The following GRID2 variants were observed in gnomAD, a reference collection of about 807,000 sequenced individuals.
GRID2 encodes glutamate ionotropic receptor delta type subunit 2, also known as glutamate receptor ionotropic, delta-2.
GRID2 carries 33 observed loss-of-function variants against 114.8 expected under a neutral mutation model. The observed-to-expected ratio is 0.29, with a 90% confidence interval of 0.22 to 0.38. GRID2 has a LOEUF of 0.38. GRID2 is among the 10% of genes least tolerant of loss of function. The pLI, the probability that GRID2 is intolerant of heterozygous loss-of-function variation, is 1.00. For synonymous variants in GRID2, 505 were observed against 449.9 expected (o/e 1.12, Z -1.55); for missense variants, 1,184 against 1,257.7 (o/e 0.94, Z 0.89).
At chr4:93,249,680 G>A (rs1353981157) in intron 8 of GRID2, among the ~76,000 whole-genome samples, 3 of 151,894 alleles carry the variant, frequency 2.0e-5, no homozygotes, top group African/African-American at 4.8e-5. Flanking sequence ...CAAAAAGTGG[G>A]CAAAGGATAT....
At position 92,590,299 on chromosome 4, in the gene GRID2, G is replaced by A. The variant is rs1359147497; in HGVS notation, c.244+13G>A. ...GCAGTTCAAGAAGGTAAGGTCATCA[G>A]TATTTATTTTGGTTTTTTGGTTCAA... On this transcript the variant is annotated intron_variant, in intron 2 of 15. Coordinates refer to ENST00000282020, the MANE Select transcript of GRID2 (RefSeq NM_001510.4). 3 of 1,586,762 alleles carry A rather than the reference G, an allele frequency of 1.9e-6. No homozygotes were observed. The highest frequency in any genetic ancestry group is 1.7e-6 in the Non-Finnish European group (2 of 1,165,986).
chr4:92,928,324 T>A (rs564176577), intron 2 of GRID2, among the ~76,000 whole-genome samples: 13 of 151,766 alleles, frequency 8.6e-5, no homozygotes, highest in Admixed American at 2.0e-4. Flanking sequence ...TTCATATAAT[T>A]TTTATTTAGA....
At chr4:93,528,160 A>G (rs1324038458) in intron 13 of GRID2, among the ~76,000 whole-genome samples, 4 of 151,682 alleles carry the variant, frequency 2.6e-5, no homozygotes. Flanking sequence ...TGCTATATAT[A>G]TATGTATATA....
At chr4:93,602,824 C>G (rs1452910635) in intron 13 of GRID2, among the ~76,000 whole-genome samples, 3 of 152,188 alleles carry the variant, frequency 2.0e-5, no homozygotes, top group Non-Finnish European at 4.4e-5. Flanking sequence ...AAAGCTAGGC[C>G]TCTTCTGTCA....
intron 2 of GRID2, among the ~76,000 whole-genome samples, chr4:92,813,841 A>G (rs1740760887): frequency 1.3e-5 from 2 of 152,100 alleles, no homozygotes; most frequent in African/African-American, 4.8e-5. Flanking sequence ...TGTCTATATA[A>G]TATGTGCAAA....
At chr4:92,880,038 TG>T (rs1354934261) in intron 2 of GRID2, among the ~76,000 whole-genome samples, 1 of 152,212 alleles carries the variant, frequency 6.6e-6, no homozygotes, top group Non-Finnish European at 1.5e-5. Flanking sequence ...AGGAATTTTT[TG>T]TCCAGTTTTG....
At chr4:92,961,002 C>T (rs1203239817) in intron 2 of GRID2, among the ~76,000 whole-genome samples, 4 of 151,882 alleles carry the variant, frequency 2.6e-5, no homozygotes, top group Non-Finnish European at 4.4e-5. Flanking sequence ...TCAAGTAACA[C>T]TATGCTGCTT....
intron 10 of GRID2, among the ~76,000 whole-genome samples, chr4:93,435,090 T>C (rs1228966731): frequency 1.6e-5 from 2 of 127,732 alleles, no homozygotes; most frequent in Admixed American, 7.2e-5. Context: ...TTATAACACT[T>C]ACAATTATTT....
intron 1 of GRID2, among the ~76,000 whole-genome samples, chr4:92,372,407 A>C (rs2110220694): frequency 6.6e-6 from 1 of 152,290 alleles, no homozygotes; most frequent in East Asian, 1.9e-4. Context: ...AACCTTCAGC[A>C]ACGGGCACCC....
intron 12 of GRID2, among the ~76,000 whole-genome samples, chr4:93,491,828 A>G (rs1727036130): frequency 6.6e-6 from 1 of 151,956 alleles, no homozygotes; most frequent in South Asian, 2.1e-4. Flanking sequence ...AGAATTAATT[A>G]TCTATAAATA....
chr4:92,663,203 CAA>C (rs1265068676), intron 2 of GRID2, among the ~76,000 whole-genome samples: 1 of 150,820 alleles, frequency 6.6e-6, no homozygotes. Flanking sequence ...TATGAAATGA[CAA>C]GAGTAATTTC....
chr4:92,747,542 T>C (rs942662856), intron 2 of GRID2, among the ~76,000 whole-genome samples: 1 of 152,138 alleles, frequency 6.6e-6, no homozygotes, highest in African/African-American at 2.4e-5. Context: ...GGGGAAATGA[T>C]ATCCTGCTAC....
chr4:92,614,524 C>T (rs1729908010), intron 2 of GRID2, among the ~76,000 whole-genome samples: 1 of 151,558 alleles, frequency 6.6e-6, no homozygotes, highest in Non-Finnish European at 1.5e-5. Context: ...GTGGACTTCT[C>T]AAATTTCTGT....
At chr4:93,607,997 C>A (rs1008764156) in intron 13 of GRID2, among the ~76,000 whole-genome samples, 1 of 150,846 alleles carries the variant, frequency 6.6e-6, no homozygotes, top group Non-Finnish European at 1.5e-5. Flanking sequence ...TTTTCTCATA[C>A]AAAGCTACTT....
chr4:92,509,821 C>T (rs1724153123), intron 1 of GRID2, among the ~76,000 whole-genome samples: 1 of 151,824 alleles, frequency 6.6e-6, no homozygotes, highest in Admixed American at 6.6e-5. Context: ...ATTGTAGGAA[C>T]ACCAAAAGCC....
At chr4:92,663,451 A>G (rs552078513) in intron 2 of GRID2, among the ~76,000 whole-genome samples, 2 of 151,274 alleles carry the variant, frequency 1.3e-5, no homozygotes, top group East Asian at 1.9e-4. Context: ...TTTTAGGGTC[A>G]TTCTTTCTGT....
In GRID2 at chr4:93,085,123, G is replaced by A. The variant is rs267600298; in HGVS notation, c.373G>A (p.Gly125Arg). The change falls in exon 3 of 16, where the codon GGG becomes AGG. Residue 125 changes from glycine (G) to arginine (R), a missense_variant. Gly to Arg is a moderately radical substitution (Grantham distance 125). Coordinates refer to ENST00000282020, the MANE Select transcript of GRID2 (RefSeq NM_001510.4). Reference protein sequence around the residue: ...PHLFIQRSTAGTPRSGCGLTR... With the variant: ...PHLFIQRSTARTPRSGCGLTR... ...CCTCTTCATTCAGCGCTCAACAGCT[G>A]GGACCCCAAGGAGTGGCTGTGGACT... 1 of 1,614,104 alleles carries A rather than the reference G, an allele frequency of 6.2e-7. No homozygotes were observed. The highest frequency in any genetic ancestry group is 2.2e-5 in the East Asian group (1 of 44,862).
chr4:93,260,292 A>G (rs13122104), intron 8 of GRID2, among the ~76,000 whole-genome samples: 40,426 of 151,356 alleles, frequency 0.27, 6,920 homozygotes, highest in Admixed American at 0.45. Flanking sequence ...TTATCTTTAT[A>G]AGAAAAAATA....
At chr4:93,694,929 T>TG (rs1726881859) in intron 14 of GRID2, among the ~76,000 whole-genome samples, 1 of 152,094 alleles carries the variant, frequency 6.6e-6, no homozygotes, top group Non-Finnish European at 1.5e-5. Flanking sequence ...CCTAGCACTT[T>TG]GGGAGGCCGA....
Sources: allele counts gnomAD v4.1 joint callset (sites outside exome capture counted in the v4.1 genomes callset), GRCh38; gene constraint gnomAD v4.1.1; transcripts MANE v1.5; gene names NCBI Gene and HGNC (gene_info 2026-07-23, HGNC 2026-07-21).